Variants in SOS1 observed in about 807,000 individuals in gnomAD.
SOS1 encodes the protein son of sevenless homolog 1.
SOS1 carries 25 observed loss-of-function variants against 157.6 expected under a neutral mutation model. That is an observed-to-expected ratio of 0.16 (90% CI 0.12 to 0.22). The LOEUF (loss-of-function observed/expected upper bound fraction) is 0.22, where lower values mean the gene tolerates loss of function less well. Ranked by LOEUF, SOS1 falls within the 10% of genes least tolerant of loss-of-function variation. The pLI is 1.00. For synonymous variants in SOS1, 528 were observed against 534.0 expected (o/e 0.99, Z 0.16); for missense variants, 1,237 against 1,599.1 (o/e 0.77, Z 3.86).
chr2:39,122,318 T>C (rs1225430542), upstream of SOS1, among the ~76,000 whole-genome samples: 1 of 151,624 alleles, frequency 6.6e-6, no homozygotes. Context: ...TAATCCCAGC[T>C]ACTTGGGAGG....
intron 6 of SOS1, among the ~76,000 whole-genome samples, chr2:39,036,578 T>C (rs1030546123): frequency 2.6e-5 from 4 of 152,004 alleles, no homozygotes; most frequent in African/African-American, 7.3e-5. Flanking sequence ...GGTCGTTTTT[T>C]GTTTTTTCTT....
At chr2:39,097,714 C>T (rs1672822584) in intron 1 of SOS1, among the ~76,000 whole-genome samples, 1 of 152,090 alleles carries the variant, frequency 6.6e-6, no homozygotes, top group African/African-American at 2.4e-5. Flanking sequence ...CAGGCATGCA[C>T]CATCATGCCC....
At position 39,058,789 on chromosome 2, in the gene SOS1, T is replaced by A; in HGVS notation, c.229A>T (p.Ser77Cys). 1 of 1,611,954 alleles carries A rather than the reference T, an allele frequency of 6.2e-7. No homozygotes were observed. Among genetic ancestry groups the A allele is most frequent in the African/African-American group, 1.3e-5 (1 of 74,994 alleles). ...ASDVEERVQK[S>C]FPHPIDKWAI... ...CATTTATCAATTGGATGAGGGAAAC[T>A]TTTTTGAACACGTTCCTTGGAAAAT... The change falls in exon 3 of 23, where the codon AGT becomes TGT. Residue 77 changes from serine to cysteine, a missense_variant. Around this residue, in one of 15 missense-constraint regions of SOS1, gnomAD observed 19 missense variants for 39.4 expected, o/e 0.48. Transcript: ENST00000402219.
At chr2:38,999,409 A>G (rs939194001) in intron 17 of SOS1, among the ~76,000 whole-genome samples, 10 of 152,180 alleles carry the variant, frequency 6.6e-5, no homozygotes, top group Non-Finnish European at 1.5e-5. Flanking sequence ...ACATCCTTGG[A>G]AAGATAAAAG....
intron 1 of SOS1, among the ~76,000 whole-genome samples, chr2:39,104,424 C>T (rs766029472): frequency 6.6e-6 from 1 of 152,048 alleles, no homozygotes; most frequent in Non-Finnish European, 1.5e-5. Context: ...CAAAAGGACA[C>T]CAACTAAGAT....
intron 6 of SOS1, among the ~76,000 whole-genome samples, chr2:39,042,732 T>TTTA (rs763519699): frequency 1.3e-5 from 2 of 148,832 alleles, no homozygotes; most frequent in African/African-American, 4.9e-5. Context: ...TTTTTTTTTT[T>TTTA]AAAAACAAAG....
chr2:39,032,850 A>C (rs1670212848), intron 8 of SOS1, among the ~76,000 whole-genome samples: 3 of 152,070 alleles, frequency 2.0e-5, no homozygotes, highest in Admixed American at 2.0e-4. Context: ...AATTAATCCC[A>C]GCTGCTTGGG....
At chr2:39,051,047 T>C (rs1572854908) in intron 6 of SOS1, 97 bp downstream of exon 6, 2 of 1,061,230 alleles carry the variant, frequency 1.9e-6, no homozygotes, top group East Asian at 2.4e-5. Flanking sequence ...CAACAATTAG[T>C]ATCTATGACT....
At chr2:39,048,255 G>A (rs1174435974) in intron 6 of SOS1, among the ~76,000 whole-genome samples, 4 of 152,056 alleles carry the variant, frequency 2.6e-5, no homozygotes, top group Non-Finnish European at 5.9e-5. Flanking sequence ...GAATAATACT[G>A]TAGTTGGGTA....
intron 20 of SOS1, among the ~76,000 whole-genome samples, chr2:38,991,932 TAAAAAA>T (rs1668747086): frequency 6.6e-6 from 1 of 151,652 alleles, no homozygotes; most frequent in Non-Finnish European, 1.5e-5. Context: ...ACCGTAAGAG[TAAAAAA>T]AGAATAGTAT....
At chr2:38,998,279 T>G (rs2124481695) in intron 17 of SOS1, among the ~76,000 whole-genome samples, 1 of 152,208 alleles carries the variant, frequency 6.6e-6, no homozygotes, top group South Asian at 2.1e-4. Context: ...AGATGGAGTC[T>G]CACTCTGTCT....
At chr2:39,023,359 A>G in intron 9 of SOS1, 134 bp from the exon 10 acceptor site, 1 of 616,360 alleles carries the variant, frequency 1.6e-6, no homozygotes, top group East Asian at 2.9e-5. Context: ...CAAATAGATT[A>G]GAATTACAAA....
chr2:39,086,691 C>T (rs1337696808), intron 1 of SOS1, among the ~76,000 whole-genome samples: 1 of 152,156 alleles, frequency 6.6e-6, no homozygotes, highest in African/African-American at 2.4e-5. Context: ...CGGCTTTTCC[C>T]CACATCTTTC....
rs11399990 is a variant in SOS1, at chr2:39,074,358, G to GAAAAAAAA, written c.88-6613_88-6606dup. ...GAGTGAGATTGCATCTCAGAAAAAAGAAAAAAAAAAAAAAATAGACCAGCC... is the reference window on the plus strand; with the variant it reads ...GAGTGAGATTGCATCTCAGAAAAAAGAAAAAAAAAAAAAAAAAAAAAAATAGACCAGCC... On this transcript the variant is annotated intron_variant, in intron 1 of 22. Coordinates refer to ENST00000402219, the MANE Select transcript of SOS1 (RefSeq NM_005633.4). Among the ~76,000 whole-genome samples the GAAAAAAAA allele has an allele frequency of 2.1e-4, 28 of 136,020 alleles. No homozygotes were observed. In the East Asian group the frequency reaches 3.3e-3, roughly 16 times the overall value. The allele number at this position is 136,020 out of a possible 152,430, so 89.2% of individuals were successfully genotyped here.
chr2:39,107,713 T>C (rs1423563089), intron 1 of SOS1, among the ~76,000 whole-genome samples: 2 of 147,042 alleles, frequency 1.4e-5, no homozygotes, highest in Non-Finnish European at 3.0e-5. Context: ...ATTTCTAAAA[T>C]ATAGTATTTG....
chr2:39,011,056 T>C (rs1669452153), intron 14 of SOS1, among the ~76,000 whole-genome samples: 3 of 152,068 alleles, frequency 2.0e-5, no homozygotes, highest in South Asian at 4.2e-4. Context: ...TCATCATGCC[T>C]GGCTAATTTT....
At chr2:38,995,007 G>C in intron 20 of SOS1, 116 bp downstream of exon 20, 1 of 778,516 alleles carries the variant, frequency 1.3e-6, no homozygotes, top group Non-Finnish European at 2.2e-6. Context: ...CTTTTGAAAT[G>C]GCATTTGACT....
chr2:38,997,183 T>C (rs1159626882), intron 18 of SOS1, 70 bp downstream of exon 18: 2 of 1,310,148 alleles, frequency 1.5e-6, no homozygotes, highest in African/African-American at 1.5e-5. Flanking sequence ...CCCTATAAAA[T>C]AAACCTGCCT....
chr2:39,107,494 T>G (rs1234456032), intron 1 of SOS1, among the ~76,000 whole-genome samples: 10 of 151,776 alleles, frequency 6.6e-5, no homozygotes, highest in Non-Finnish European at 1.5e-4. Context: ...TAACTTGGAG[T>G]CAGACTTTCA....
Sources: gnomAD v4.1 joint callset for allele counts (sites outside exome capture counted in the v4.1 genomes callset) on GRCh38, gnomAD v4.1.1 for gene constraint, gnomAD v4.1.1 regional missense constraint, MANE v1.5 for transcripts, NCBI Gene and HGNC (gene_info 2026-07-23, HGNC 2026-07-21) for gene names.